Variants in MATCAP2 observed in about 807,000 individuals in gnomAD.
The protein encoded by MATCAP2 is microtubule associated tyrosine carboxypeptidase 2.
At chr7:36,388,702 G>A in the MATCAP2 span, among the ~76,000 whole-genome samples, 3 of 152,220 alleles carry the variant, frequency 2.0e-5, no homozygotes, top group South Asian at 4.1e-4. Flanking sequence ...GCCTTAGCTA[G>A]TGTGGAAAAC....
the MATCAP2 span, chr7:36,334,302 C>G: frequency 3.1e-6 from 2 of 637,900 alleles, no homozygotes; most frequent in African/African-American, 3.7e-5. Flanking sequence ...TTTGGAAGGC[C>G]GAGGCATGCG....
chr7:36,390,250 A>C, the MATCAP2 span: 99 of 755,706 alleles, frequency 1.3e-4, no homozygotes, highest in Non-Finnish European at 1.9e-4. Flanking sequence ...GGTCCTACAG[A>C]TAAAACTCAG....
chr7:36,342,459 G>C, the MATCAP2 span, among the ~76,000 whole-genome samples: 1 of 152,106 alleles, frequency 6.6e-6, no homozygotes, highest in South Asian at 2.1e-4. Context: ...ACCACCACAT[G>C]AACGTTTAGC....
At chr7:36,337,466 C>T in the MATCAP2 span, among the ~76,000 whole-genome samples, 2 of 152,114 alleles carry the variant, frequency 1.3e-5, no homozygotes, top group African/African-American at 4.8e-5. Flanking sequence ...AAATTCAACT[C>T]TATCTTACAT....
chr7:36,353,481 C>CT, the MATCAP2 span, among the ~76,000 whole-genome samples: 94,085 of 130,738 alleles, frequency 0.72, 34,380 homozygotes, highest in South Asian at 0.84. Flanking sequence ...TGTTTATGCT[C>CT]TTTTTTTTTT....
At chr7:36,380,792 C>T in the MATCAP2 span, among the ~76,000 whole-genome samples, 15 of 152,332 alleles carry the variant, frequency 9.8e-5, no homozygotes, top group Admixed American at 2.0e-4. Context: ...TGCAGTGGCA[C>T]GGTCTCGGCT....
the MATCAP2 span, among the ~76,000 whole-genome samples, chr7:36,374,708 G>T: frequency 2.0e-5 from 3 of 151,920 alleles, no homozygotes; most frequent in African/African-American, 7.3e-5. Context: ...TCCACAACAG[G>T]CCCCGGTGTG....
chr7:36,333,076 A>G, the MATCAP2 span, among the ~76,000 whole-genome samples: 143,007 of 152,224 alleles, frequency 0.94, 67,390 homozygotes, highest in East Asian at 0.99. Context: ...GGCAGTGGGC[A>G]CAACTTCAGC....
chr7:36,334,505 A>G, the MATCAP2 span, among the ~76,000 whole-genome samples: 1 of 134,618 alleles, frequency 7.4e-6, no homozygotes, highest in Non-Finnish European at 1.5e-5. Context: ...CACTGTGCCC[A>G]AGAATGGGCG....
the MATCAP2 span, among the ~76,000 whole-genome samples, chr7:36,382,842 A>G: frequency 5.0e-3 from 767 of 152,336 alleles, 8 homozygotes; most frequent in African/African-American, 0.018. Context: ...TTACCAATAT[A>G]AAAAGTATAG....
At chr7:36,375,211 G>A in the MATCAP2 span, among the ~76,000 whole-genome samples, 2 of 152,248 alleles carry the variant, frequency 1.3e-5, no homozygotes, top group East Asian at 3.9e-4. Context: ...GTTGTTTCCT[G>A]ACTTTTTAAT....
the MATCAP2 span, among the ~76,000 whole-genome samples, chr7:36,382,715 G>C: frequency 6.6e-6 from 1 of 152,134 alleles, no homozygotes; most frequent in Non-Finnish European, 1.5e-5. Context: ...GGATGGTCTC[G>C]ATCTCCTGAC....
At chr7:36,349,244 A>C in the MATCAP2 span, among the ~76,000 whole-genome samples, 9 of 152,314 alleles carry the variant, frequency 5.9e-5, no homozygotes, top group African/African-American at 2.2e-4. Flanking sequence ...CAGGGGAGAG[A>C]CAGAAAGGAG....
At chr7:36,344,503 C>T in the MATCAP2 span, among the ~76,000 whole-genome samples, 1 of 152,164 alleles carries the variant, frequency 6.6e-6, no homozygotes, top group Admixed American at 6.5e-5. Flanking sequence ...TTATTCTCCA[C>T]ACTTTTCTAA....
At chr7:36,367,374 T>A in the MATCAP2 span, 7 of 984,958 alleles carry the variant, frequency 7.1e-6, no homozygotes, top group Non-Finnish European at 8.4e-6. Context: ...CGCGGGCCAG[T>A]GCCTCCGGGG....
At chr7:36,366,324 C>G in the MATCAP2 span, among the ~76,000 whole-genome samples, 1 of 152,102 alleles carries the variant, frequency 6.6e-6, no homozygotes, top group Admixed American at 6.5e-5. Context: ...TCTGTGCTCC[C>G]AGAGATTGAA....
At chr7:36,347,950 T>A in the MATCAP2 span, among the ~76,000 whole-genome samples, 1 of 152,166 alleles carries the variant, frequency 6.6e-6, no homozygotes, top group Non-Finnish European at 1.5e-5. Flanking sequence ...AAGATACTGT[T>A]TTTTAAAGGT....
chr7:36,331,094 A>C, the MATCAP2 span: 1 of 1,528,076 alleles, frequency 6.5e-7, no homozygotes, highest in African/African-American at 1.4e-5. Context: ...AGGAACCAGA[A>C]TAGTGTTTAC....
At chr7:36,339,629 T>G in the MATCAP2 span, among the ~76,000 whole-genome samples, 1 of 152,220 alleles carries the variant, frequency 6.6e-6, no homozygotes. Context: ...AGCATATAAT[T>G]AAAAACCCAT....
Sources: allele counts gnomAD v4.1 joint callset (sites outside exome capture counted in the v4.1 genomes callset), GRCh38; gene constraint gnomAD v4.1.1; transcripts MANE v1.5; gene names NCBI Gene and HGNC (gene_info 2026-07-23, HGNC 2026-07-21).